SPMIP2: variants seen among roughly 807,000 people sequenced by gnomAD.
SPMIP2 encodes protein SPMIP2.
chr4:159,073,896 C>T, the SPMIP2 span, among the ~76,000 whole-genome samples: 7 of 152,022 alleles, frequency 4.6e-5, no homozygotes, highest in Non-Finnish European at 7.4e-5. Flanking sequence ...CCCAGCTACT[C>T]GGGGGGCTAA....
the SPMIP2 span, among the ~76,000 whole-genome samples, chr4:158,960,029 T>C: frequency 2.0e-5 from 3 of 152,134 alleles, no homozygotes; most frequent in Non-Finnish European, 4.4e-5. Context: ...CAGGCTTGCT[T>C]CTCCTTTTCT....
chr4:159,045,798 A>G, the SPMIP2 span, among the ~76,000 whole-genome samples: 1 of 152,202 alleles, frequency 6.6e-6, no homozygotes, highest in Non-Finnish European at 1.5e-5. Context: ...GATCTCTCGT[A>G]AGATTGCAGG....
At chr4:158,960,903 C>T in the SPMIP2 span, among the ~76,000 whole-genome samples, 2 of 151,364 alleles carry the variant, frequency 1.3e-5, no homozygotes, top group African/African-American at 4.9e-5. Context: ...CACCCCCTCC[C>T]ATGTGCATTG....
chr4:159,066,701 C>A, the SPMIP2 span, among the ~76,000 whole-genome samples: 1 of 151,192 alleles, frequency 6.6e-6, no homozygotes, highest in Non-Finnish European at 1.5e-5. Context: ...TCAGTTTGGA[C>A]CCTCTGTGGA....
At chr4:158,990,865 T>C in the SPMIP2 span, among the ~76,000 whole-genome samples, 1 of 92,976 alleles carries the variant, frequency 1.1e-5, no homozygotes, top group Admixed American at 1.1e-4. Flanking sequence ...CTCCAGAACT[T>C]AAAATATAAT....
chr4:158,975,039 T>G, the SPMIP2 span, among the ~76,000 whole-genome samples: 147,756 of 152,242 alleles, frequency 0.97, 71,854 homozygotes, highest in East Asian at 1. Flanking sequence ...GTTTTGATTT[T>G]CATTTCTCTA....
At chr4:159,042,599 A>G in the SPMIP2 span, among the ~76,000 whole-genome samples, 1 of 152,020 alleles carries the variant, frequency 6.6e-6, no homozygotes. Flanking sequence ...TTGGGTGACA[A>G]CTCTTTTAAT....
At chr4:158,908,214 G>C in the SPMIP2 span, among the ~76,000 whole-genome samples, 3 of 152,044 alleles carry the variant, frequency 2.0e-5, no homozygotes, top group African/African-American at 7.3e-5. Context: ...GCCAGGTTAG[G>C]GTTACTGGCA....
chr4:158,990,396 T>G, the SPMIP2 span, among the ~76,000 whole-genome samples: 1 of 152,212 alleles, frequency 6.6e-6, no homozygotes, highest in South Asian at 2.1e-4. Flanking sequence ...CAAAGGATTA[T>G]AAATCATTCT....
chr4:159,001,911 G>A, the SPMIP2 span, among the ~76,000 whole-genome samples: 7 of 152,178 alleles, frequency 4.6e-5, no homozygotes, highest in African/African-American at 1.7e-4. Context: ...AGCTCTTTGA[G>A]GAAGCGCCAC....
chr4:158,928,539 A>G, the SPMIP2 span, among the ~76,000 whole-genome samples: 1 of 152,076 alleles, frequency 6.6e-6, no homozygotes, highest in Non-Finnish European at 1.5e-5. Context: ...TAGCTCAGGG[A>G]TTGTAAACGC....
At chr4:159,018,624 T>C in the SPMIP2 span, among the ~76,000 whole-genome samples, 1 of 152,226 alleles carries the variant, frequency 6.6e-6, no homozygotes, top group Non-Finnish European at 1.5e-5. Flanking sequence ...TGTATTAATT[T>C]TTTTGTCCCT....
the SPMIP2 span, among the ~76,000 whole-genome samples, chr4:158,943,858 C>CTTTCTT: frequency 8.8e-5 from 9 of 101,910 alleles, no homozygotes; most frequent in African/African-American, 3.5e-4. Context: ...TTGACATTTT[C>CTTTCTT]TTTTTTTTTT....
the SPMIP2 span, among the ~76,000 whole-genome samples, chr4:159,010,680 C>A: frequency 6.6e-6 from 1 of 152,132 alleles, no homozygotes; most frequent in Non-Finnish European, 1.5e-5. Context: ...ATCGGGGCAG[C>A]GTTTGTTTCT....
chr4:159,052,173 C>T, the SPMIP2 span, among the ~76,000 whole-genome samples: 4 of 152,182 alleles, frequency 2.6e-5, no homozygotes, highest in Non-Finnish European at 2.9e-5. Context: ...CTCACACTGA[C>T]GGCCAGTGTA....
chr4:159,069,415 G>T, the SPMIP2 span, among the ~76,000 whole-genome samples: 1 of 151,886 alleles, frequency 6.6e-6, no homozygotes, highest in Non-Finnish European at 1.5e-5. Flanking sequence ...TATGAATTTA[G>T]GTTTTTAACT....
chr4:159,061,285 C>A, the SPMIP2 span, among the ~76,000 whole-genome samples: 10 of 151,964 alleles, frequency 6.6e-5, no homozygotes, highest in African/African-American at 2.2e-4. Context: ...TGGCCCCAGT[C>A]CTGTATTTTT....
At chr4:158,993,480 G>C in the SPMIP2 span, among the ~76,000 whole-genome samples, 8 of 151,300 alleles carry the variant, frequency 5.3e-5, no homozygotes, top group East Asian at 5.8e-4. Flanking sequence ...CTTCTGTGCA[G>C]TTTTTTTTTA....
the SPMIP2 span, among the ~76,000 whole-genome samples, chr4:158,920,584 C>T: frequency 6.6e-6 from 1 of 152,124 alleles, no homozygotes; most frequent in Non-Finnish European, 1.5e-5. Flanking sequence ...CCTGCAGTAC[C>T]CTCAGCTTAC....
Sources: allele counts gnomAD v4.1 joint callset (sites outside exome capture counted in the v4.1 genomes callset), GRCh38; gene constraint gnomAD v4.1.1; transcripts MANE v1.5; gene names NCBI Gene and HGNC (gene_info 2026-07-23, HGNC 2026-07-21).